NAV2: variants seen among roughly 807,000 people sequenced by gnomAD.
NAV2 encodes helicase, APC down-regulated 1.
NAV2 carries 54 observed loss-of-function variants against 223.2 expected under a neutral mutation model. The observed-to-expected ratio is 0.24, with a 90% CI of 0.19 to 0.30. The LOEUF (loss-of-function observed/expected upper bound fraction) is 0.30. Among genes scored for constraint, NAV2 ranks in the 10% least tolerant of loss-of-function variants. The probability of loss-of-function intolerance (pLI) is 1.00; values close to 1 mark genes in which losing one functional copy is unlikely to be tolerated. For synonymous variants in NAV2, 1,279 were observed against 1,239.3 expected (o/e 1.03, Z -0.67); for missense variants, 2,806 against 3,147.5 (o/e 0.89, Z 2.60).
intron 12 of NAV2, among the ~76,000 whole-genome samples, chr11:20,040,444 T>G (rs1474968545): frequency 6.6e-6 from 1 of 152,204 alleles, no homozygotes; most frequent in African/African-American, 2.4e-5. Context: ...ATCCATGTTT[T>G]ATACATGAGT....
intron 1 of NAV2, among the ~76,000 whole-genome samples, chr11:19,718,487 A>C (rs2050491752): frequency 6.7e-6 from 1 of 150,222 alleles, no homozygotes; most frequent in African/African-American, 2.4e-5. Context: ...GAAAGCATAG[A>C]GGAGGCCCCT....
intron 1 of NAV2, among the ~76,000 whole-genome samples, chr11:19,469,025 A>G (rs1188810421): frequency 6.6e-6 from 1 of 152,242 alleles, no homozygotes; most frequent in Admixed American, 6.5e-5. Context: ...TCTCATGATT[A>G]AATGAGATAA....
At chr11:19,777,154 C>A (rs1205007828) in intron 1 of NAV2, among the ~76,000 whole-genome samples, 1 of 150,152 alleles carries the variant, frequency 6.7e-6, no homozygotes, top group Non-Finnish European at 1.5e-5. Flanking sequence ...CTGCGAGGAG[C>A]GGGCGCTTGG....
chr11:19,449,267 A>G (rs1851700726), intron 1 of NAV2, among the ~76,000 whole-genome samples: 1 of 152,012 alleles, frequency 6.6e-6, no homozygotes, highest in Non-Finnish European at 1.5e-5. Flanking sequence ...AACACTCCCC[A>G]AGAGAAGATT....
chr11:19,875,828 C>T (rs981157409), intron 4 of NAV2, among the ~76,000 whole-genome samples: 1 of 152,110 alleles, frequency 6.6e-6, no homozygotes, highest in Admixed American at 6.5e-5. Context: ...TCGTGGTTTT[C>T]CTTTCTGGAC....
intron 17 of NAV2, among the ~76,000 whole-genome samples, 183 bp from the exon 18 acceptor site, chr11:20,053,897 A>G (rs1321013313): frequency 6.6e-6 from 1 of 152,162 alleles, no homozygotes; most frequent in African/African-American, 2.4e-5. Flanking sequence ...TTCCCCAAAC[A>G]CAGCCAAATA....
intron 1 of NAV2, among the ~76,000 whole-genome samples, chr11:19,404,807 A>C (rs1458822540): frequency 4.6e-5 from 7 of 152,188 alleles, no homozygotes; most frequent in Non-Finnish European, 7.3e-5. Flanking sequence ...TTCATGATTA[A>C]ATTTTAAACG....
At chr11:19,595,631 T>C (rs2046185253) in intron 1 of NAV2, among the ~76,000 whole-genome samples, 1 of 151,822 alleles carries the variant, frequency 6.6e-6, no homozygotes, top group Non-Finnish European at 1.5e-5. Flanking sequence ...CATGACTCAC[T>C]GTAGCCTCAA....
At chr11:19,533,708 T>TATCCACAGACACACTGAA (rs2044097529) in intron 1 of NAV2, among the ~76,000 whole-genome samples, 13 of 106,878 alleles carry the variant, frequency 1.2e-4, no homozygotes, top group African/African-American at 6.8e-4. Flanking sequence ...GGAACTATCT[T>TATCCACAGACACACTGAA]TTTTTTTTTT....
chr11:19,844,539 T>C (rs764694725), intron 3 of NAV2, among the ~76,000 whole-genome samples: 1 of 152,232 alleles, frequency 6.6e-6, no homozygotes, highest in African/African-American at 2.4e-5. Context: ...ATCCCAAATC[T>C]GAAAATCCAA....
chr11:20,091,125 C>T (rs1334458200), intron 27 of NAV2, 107 bp downstream of exon 27: 9 of 1,182,388 alleles, frequency 7.6e-6, no homozygotes, highest in East Asian at 2.4e-5. Context: ...GGTGGCGGCC[C>T]TCGCTTTCCC....
At chr11:19,970,549 C>T (rs182722504) in intron 10 of NAV2, among the ~76,000 whole-genome samples, 21 of 152,256 alleles carry the variant, frequency 1.4e-4, no homozygotes, top group Admixed American at 1.3e-3. Context: ...GTTGAAGGCA[C>T]AGTTATAGGG....
chr11:19,859,932 A>G (rs2061615691), intron 3 of NAV2, among the ~76,000 whole-genome samples: 1 of 127,186 alleles, frequency 7.9e-6, no homozygotes, highest in South Asian at 2.7e-4. Flanking sequence ...CTCACTTCCC[A>G]GTAGGGGCGG....
chr11:20,051,269 T>C lies in NAV2; in HGVS notation c.4437-20T>C, dbSNP rs2057980357. 2 of 1,612,842 alleles carry C rather than the reference T, an allele frequency of 1.2e-6. No individual in the cohort carries two copies. The highest frequency in any genetic ancestry group is 1.3e-5 in the African/African-American group (1 of 75,020). On this transcript the variant is annotated intron_variant, in intron 16 of 37. Coordinates refer to ENST00000349880, the MANE Select transcript of NAV2 (RefSeq NM_145117.5). ...GTGTGCTGCTCTGAAGTTCTTATTT[T>C]TGTTTTAACTTTCCTACAGTGACCC...
intron 1 of NAV2, among the ~76,000 whole-genome samples, chr11:19,450,399 T>C (rs939697964): frequency 6.6e-6 from 1 of 152,170 alleles, no homozygotes; most frequent in African/African-American, 2.4e-5. Flanking sequence ...TGAAAACCAT[T>C]TGGTAGCAGG....
At chr11:19,631,021 T>C (rs1339628906) in intron 1 of NAV2, among the ~76,000 whole-genome samples, 1 of 151,054 alleles carries the variant, frequency 6.6e-6, no homozygotes, top group Non-Finnish European at 1.5e-5. Flanking sequence ...GTTTTGTTTT[T>C]TTAATATTTT....
intron 1 of NAV2, among the ~76,000 whole-genome samples, chr11:19,586,199 A>G (rs1219654691): frequency 6.6e-6 from 1 of 152,040 alleles, no homozygotes; most frequent in African/African-American, 2.4e-5. Context: ...CATTCGTCGC[A>G]TAGTTCTTGT....
At chr11:20,067,946 A>G (rs2153636446) in intron 20 of NAV2, among the ~76,000 whole-genome samples, 1 of 152,240 alleles carries the variant, frequency 6.6e-6, no homozygotes, top group East Asian at 1.9e-4. Flanking sequence ...GCTCCTCACA[A>G]CCAAAATGTG....
At chr11:19,754,794 G>A (rs1396195538) in intron 1 of NAV2, among the ~76,000 whole-genome samples, 1 of 152,166 alleles carries the variant, frequency 6.6e-6, no homozygotes, top group Non-Finnish European at 1.5e-5. Flanking sequence ...AGCTCATCTT[G>A]TATACTTCAC....
Sources: gnomAD v4.1 joint callset for allele counts (sites outside exome capture counted in the v4.1 genomes callset) on GRCh38, gnomAD v4.1.1 for gene constraint, MANE v1.5 for transcripts, NCBI Gene and HGNC (gene_info 2026-07-23, HGNC 2026-07-21) for gene names.